The following TMOD3 variants were observed in gnomAD, a reference collection of about 807,000 sequenced individuals.
TMOD3 encodes the protein tropomodulin 3.
A neutral mutation model predicts 39.2 loss-of-function variants in TMOD3; 20 were observed. The ratio of observed to expected loss-of-function variants is 0.51; its 90% CI spans 0.36 to 0.74. TMOD3 has a LOEUF of 0.74. Among genes scored for constraint, TMOD3 ranks in the 30% least tolerant of loss-of-function variants. TMOD3 has a pLI of 0.00. For synonymous variants in TMOD3, 143 were observed against 145.8 expected, an observed-to-expected ratio of 0.98 and a Z score of 0.14; for missense variants, 381 against 412.8, an observed-to-expected ratio of 0.92 and a Z score of 0.67.
intron 5 of TMOD3, among the ~76,000 whole-genome samples, chr15:51,889,931 A>G (rs1412134198): frequency 6.6e-6 from 1 of 152,148 alleles, no homozygotes; most frequent in African/African-American, 2.4e-5. Context: ...TAGCACATTT[A>G]AACAGTACAT....
chr15:51,866,070 A>G (rs1056266742), intron 2 of TMOD3, among the ~76,000 whole-genome samples: 3 of 152,188 alleles, frequency 2.0e-5, no homozygotes, highest in Admixed American at 6.5e-5. Flanking sequence ...ATTATGATCT[A>G]TTAGCTTACT....
At chr15:51,854,048 T>TG (rs1283506493) in intron 1 of TMOD3, among the ~76,000 whole-genome samples, 2 of 152,140 alleles carry the variant, frequency 1.3e-5, no homozygotes, top group South Asian at 2.1e-4. Flanking sequence ...GGCTATGTGA[T>TG]GGGGAGCAGT....
chr15:51,873,162 A>G lies in TMOD3; in HGVS notation c.283+3789A>G, dbSNP rs544399838. 5.3e-5 allele frequency among the ~76,000 whole-genome samples: 8 copies of G among 152,292 alleles called. No homozygotes were observed. In the South Asian group the frequency reaches 1.5e-3, roughly 28 times the overall value. ...CTTCCTCTCTCTTCATCTCATCTCC[A>G]GGATCCTGATCACGTTCCAGAAGGT... On this transcript the variant is annotated intron_variant, in intron 3 of 9. Coordinates refer to ENST00000308580, the MANE Select transcript of TMOD3 (RefSeq NM_014547.5).
chr15:51,847,026 A>G (rs2056339388), intron 1 of TMOD3, among the ~76,000 whole-genome samples: 1 of 152,144 alleles, frequency 6.6e-6, no homozygotes, highest in African/African-American at 2.4e-5. Flanking sequence ...TCCACTAAGA[A>G]GAAGAAAAAG....
At chr15:51,872,601 T>TTTTG (rs2056481142) in intron 3 of TMOD3, among the ~76,000 whole-genome samples, 1 of 39,540 alleles carries the variant, frequency 2.5e-5, no homozygotes, top group Admixed American at 3.3e-4. Context: ...ACCAAATTTG[T>TTTTG]TTTTTTTTTT....
chr15:51,892,867 T>A (rs1276622220), intron 5 of TMOD3, among the ~76,000 whole-genome samples: 2 of 152,180 alleles, frequency 1.3e-5, no homozygotes, highest in East Asian at 1.9e-4. Context: ...TCAAATATAT[T>A]TGAGTGGTAA....
chr15:51,900,607 A>G (rs2056645308), intron 8 of TMOD3, among the ~76,000 whole-genome samples: 1 of 152,200 alleles, frequency 6.6e-6, no homozygotes, highest in Admixed American at 6.5e-5. Flanking sequence ...TGTGCTGGCA[A>G]GGTCCACATT....
chr15:51,900,095 A>G (rs1181486219), intron 7 of TMOD3, 60 bp from the exon 8 acceptor site: 1 of 1,498,940 alleles, frequency 6.7e-7, no homozygotes, highest in African/African-American at 1.4e-5. Flanking sequence ...TATGGCATGT[A>G]CAATATGTAG....
intron 1 of TMOD3, among the ~76,000 whole-genome samples, chr15:51,850,412 A>T (rs1297259714): frequency 6.6e-6 from 1 of 152,138 alleles, no homozygotes; most frequent in African/African-American, 2.4e-5. Flanking sequence ...CAGGTGTGGC[A>T]GGTTTGTTGA....
rs573415260 is a variant in TMOD3 at position 51,872,834 on chromosome 15, A to T, written c.283+3461A>T. Among the ~76,000 whole-genome samples the T allele has an allele frequency of 2.6e-5, 4 of 152,326 alleles. No individual in the cohort carries two copies. In the South Asian group the frequency reaches 8.3e-4, roughly 32 times the overall value. ...ATCATATGGGAGATGATTACCGAACAAGAGATTTTCATTCTCTGTCATGGA... is the reference window on the plus strand; with the variant it reads ...ATCATATGGGAGATGATTACCGAACTAGAGATTTTCATTCTCTGTCATGGA... On this transcript the variant is annotated intron_variant, in intron 3 of 9. Coordinates refer to ENST00000308580, the MANE Select transcript of TMOD3 (RefSeq NM_014547.5).
At chr15:51,857,799 C>T (rs949453160) in intron 1 of TMOD3, among the ~76,000 whole-genome samples, 24 of 151,740 alleles carry the variant, frequency 1.6e-4, no homozygotes, top group African/African-American at 5.6e-4. Context: ...ATTCTTGGTA[C>T]ATATTTATAT....
At chr15:51,904,399 A>G (rs904413122) in intron 9 of TMOD3, among the ~76,000 whole-genome samples, 1 of 152,238 alleles carries the variant, frequency 6.6e-6, no homozygotes, top group Admixed American at 6.5e-5. Flanking sequence ...ATAGGTACTT[A>G]AGAAAACTGG....
intron 3 of TMOD3, among the ~76,000 whole-genome samples, chr15:51,881,550 C>CTTTTTTTTT (rs753814979): frequency 0.025 from 1,536 of 61,930 alleles, 115 homozygotes; most frequent in East Asian, 0.067. Flanking sequence ...TTCTTTATTT[C>CTTTTTTTTT]TTTTTTTTTT....
intron 1 of TMOD3, among the ~76,000 whole-genome samples, chr15:51,843,294 C>A (rs2056321200): frequency 6.6e-6 from 1 of 152,080 alleles, no homozygotes; most frequent in Non-Finnish European, 1.5e-5. Flanking sequence ...ATGAGGCGGC[C>A]AGCTGAAGAT....
chr15:51,889,207 T>C lies in TMOD3; in HGVS notation c.496+62T>C, dbSNP rs1473491581. 8 of 1,135,894 alleles carry C rather than the reference T, an allele frequency of 7.0e-6. No homozygotes were observed. The African/African-American group carries it at 9.4e-5, about 13-fold the overall frequency. The allele number at this position is 1,135,894 out of a possible 1,614,324, so 70.4% of individuals were successfully genotyped here. On this transcript the variant is annotated intron_variant, in intron 5 of 9. Transcript: ENST00000308580. The stretch of plus-strand genomic sequence containing the variant: ...TATTAAATATATTTTGTTTTCGCCT[T>C]GTGTCAGCTTAAGTGTTCACATACT...
rs180909069 is a variant in TMOD3, at chr15:51,839,246, T to C, written c.-75+9410T>C. On this transcript the variant is annotated intron_variant, in intron 1 of 9. Coordinates refer to ENST00000308580, the MANE Select transcript of TMOD3 (RefSeq NM_014547.5). ...GAGTGCAGGTGTGATCATAGGTCCC[T>C]GCAACCTCCGCCTCCCAGGCTCAAG... Among the ~76,000 whole-genome samples the C allele has an allele frequency of 1.3e-3, 200 of 150,504 alleles. 9 individuals are homozygous for C. Among genetic ancestry groups the C allele is most frequent in the East Asian group, 9.1e-3 (46 of 5,060 alleles).
intron 1 of TMOD3, among the ~76,000 whole-genome samples, chr15:51,856,133 C>A (rs1489720942): frequency 6.6e-6 from 1 of 152,148 alleles, no homozygotes; most frequent in African/African-American, 2.4e-5. Context: ...TGTGGTGGCA[C>A]ATGCCTGCAT....
intron 5 of TMOD3, among the ~76,000 whole-genome samples, chr15:51,893,294 C>CAAAAAA (rs59321162): frequency 1.5e-4 from 9 of 58,992 alleles, no homozygotes; most frequent in Admixed American, 2.9e-4. Flanking sequence ...GACTCCATCT[C>CAAAAAA]AAAAAAAAAA....
At chr15:51,900,431 C>T in intron 8 of TMOD3, 133 bp downstream of exon 8, 1 of 960,054 alleles carries the variant, frequency 1.0e-6, no homozygotes. Flanking sequence ...GAAAGGAGAG[C>T]TGACATTTGG....
Sources: allele counts gnomAD v4.1 joint callset (sites outside exome capture counted in the v4.1 genomes callset), GRCh38; gene constraint gnomAD v4.1.1; transcripts MANE v1.5; gene names NCBI Gene and HGNC (gene_info 2026-07-23, HGNC 2026-07-21).